Variants in UNC80 observed in about 807,000 individuals in gnomAD.
The protein encoded by UNC80 is unc-80 subunit of NALCN channel complex.
In UNC80, 164 loss-of-function variants were observed where a neutral mutation model predicts 384.6. The ratio of observed to expected loss-of-function variants is 0.43; its 90% CI spans 0.38 to 0.49. The LOEUF is 0.49. Among genes scored for constraint, UNC80 ranks in the 20% least tolerant of loss-of-function variants. The pLI is 0.00. For synonymous variants in UNC80, 1,486 were observed against 1,527.8 expected, an observed-to-expected ratio of 0.97 and a Z score of 0.64; for missense variants, 3,330 against 4,143.0, an observed-to-expected ratio of 0.80 and a Z score of 5.39.
chr2:209,819,380 A>G, intron 12 of UNC80, 119 bp downstream of exon 12: 1 of 1,150,912 alleles, frequency 8.7e-7, no homozygotes, highest in Non-Finnish European at 1.2e-6. Context: ...TTGAAATGAA[A>G]AAGCCACCCA....
At chr2:209,856,703 C>T (rs2082944587) in intron 22 of UNC80, among the ~76,000 whole-genome samples, 1 of 151,980 alleles carries the variant, frequency 6.6e-6, no homozygotes, top group Non-Finnish European at 1.5e-5. Context: ...CCATCTTAAT[C>T]AAATGTCAGG....
At chr2:209,791,280 T>C (rs931355813) in intron 6 of UNC80, among the ~76,000 whole-genome samples, 1 of 152,220 alleles carries the variant, frequency 6.6e-6, no homozygotes, top group Non-Finnish European at 1.5e-5. Context: ...AGGCATTTTA[T>C]GCAAATGCCA....
rs531279671 is a variant in UNC80, at chr2:209,807,505, T to C, written c.939-6075T>C. On this transcript the variant is annotated intron_variant, in intron 7 of 64. Coordinates refer to ENST00000673920, the MANE Select transcript of UNC80 (RefSeq NM_001371986.1). ...TCAGCCTCCCAAGTAGCTGGGACTA[T>C]AGGCGCCCACCACCACGCCCAGCTA... Among the ~76,000 whole-genome samples the C allele has an allele frequency of 8.6e-5, 13 of 151,876 alleles. No individual in the cohort carries two copies. The East Asian group carries it at 2.3e-3, about 27-fold the overall frequency.
rs1189245580 is a variant in UNC80, at chr2:209,839,156, A to C, written c.3042-66A>C. 1 of 1,417,922 alleles carries C rather than the reference A, an allele frequency of 7.1e-7. No individual in the cohort carries two copies. Among genetic ancestry groups the C allele is most frequent in the Non-Finnish European group, 9.6e-7 (1 of 1,037,774 alleles). 87.8% of individuals were successfully genotyped at this position (1,417,922 alleles called of 1,614,324 possible). A position where few individuals can be genotyped will look rare whatever the true frequency, so the allele number is the denominator to read the frequency against. On this transcript the variant is annotated intron_variant, in intron 18 of 64. Coordinates refer to ENST00000673920, the MANE Select transcript of UNC80 (RefSeq NM_001371986.1). The surrounding 1 kb of genome is among the most constrained non-coding windows in gnomAD (Gnocchi z 4.1). ...CCTAAATATCATTGACAGGAAGATG[A>C]AAGAAATTTAGGAGAATTTCTCAAG...
chr2:209,828,366 T>G (rs1173478644), intron 14 of UNC80, among the ~76,000 whole-genome samples: 1 of 152,174 alleles, frequency 6.6e-6, no homozygotes, highest in African/African-American at 2.4e-5. Flanking sequence ...TAAAAATACC[T>G]AATTTCAAAT....
intron 39 of UNC80, 26 bp downstream of exon 39, chr2:209,934,031 C>A: frequency 1.3e-6 from 2 of 1,496,844 alleles, no homozygotes; most frequent in Admixed American, 2.5e-5. Context: ...TTTTTAGTAA[C>A]ATAACTTTAA....
At chr2:209,925,701 G>A (rs182093862) in intron 35 of UNC80, among the ~76,000 whole-genome samples, 54 of 152,126 alleles carry the variant, frequency 3.5e-4, no homozygotes, top group Admixed American at 3.1e-3. Flanking sequence ...AGTGCTGGTT[G>A]GTGCATTTAC....
At chr2:209,930,800 T>G (rs932483539) in intron 37 of UNC80, among the ~76,000 whole-genome samples, 168 bp from the exon 38 acceptor site, 1 of 152,190 alleles carries the variant, frequency 6.6e-6, no homozygotes, top group Admixed American at 6.5e-5. Flanking sequence ...TAAATACTAC[T>G]TAACAAGTAT....
chr2:209,935,664 C>T (rs894431592), intron 39 of UNC80, 50 bp from the exon 40 acceptor site: 15 of 1,017,464 alleles, frequency 1.5e-5, no homozygotes, highest in Non-Finnish European at 1.9e-5. Flanking sequence ...CTTTAAAATA[C>T]AAATTTTCTA....
Position 209,954,262 on chromosome 2 carries a change from C to A in UNC80, c.7449C>A (p.Val2483=). 1 of 1,499,814 alleles carries A rather than the reference C, an allele frequency of 6.7e-7. No individual in the cohort carries two copies. The highest frequency in any genetic ancestry group is 1.4e-5 in the South Asian group (1 of 73,572). The allele number at this position is 1,499,814 out of a possible 1,614,324, so 92.9% of individuals were successfully genotyped here. The change falls in exon 48 of 65, where the codon GTC becomes GTA. Residue 2483 remains valine (V), a synonymous_variant. Coordinates refer to ENST00000673920, the MANE Select transcript of UNC80 (RefSeq NM_001371986.1). ...SLQALLYSVE[V]LTRPMTAPQM... is the part of the protein sequence containing the mutation. Reference sequence around the variant, plus strand: ...AGGCCCTTTTGTACAGTGTAGAGGTCCTCACCAGGTAATCCCATTGGCAGA... The same window carrying A: ...AGGCCCTTTTGTACAGTGTAGAGGTACTCACCAGGTAATCCCATTGGCAGA...
chr2:209,835,917 A>T (rs908556216), intron 18 of UNC80, among the ~76,000 whole-genome samples: 1 of 152,200 alleles, frequency 6.6e-6, no homozygotes, highest in African/African-American at 2.4e-5. Flanking sequence ...GCACTTCAAA[A>T]TCTTAGAAAT....
chr2:209,957,553 A>G (rs910331465), intron 48 of UNC80, 91 bp from the exon 49 acceptor site: 60 of 1,168,004 alleles, frequency 5.1e-5, no homozygotes, highest in Non-Finnish European at 7.3e-5. Flanking sequence ...CTTAAAACTT[A>G]TGTGTGCTTC....
At chr2:209,826,200 C>G (rs1369317100) in intron 14 of UNC80, 147 bp downstream of exon 14, 3 of 1,024,208 alleles carry the variant, frequency 2.9e-6, no homozygotes, top group African/African-American at 1.7e-5. Flanking sequence ...TGAGGAGATT[C>G]TCATGAGATA....
chr2:209,984,837 C>T lies in UNC80; in HGVS notation c.9258-19C>T. ...CATTTTCTTTCCCTAAATGCTTCATCTCCCTACCCCTCCTGCAGTGAACCT... is the reference window on the plus strand; with the variant it reads ...CATTTTCTTTCCCTAAATGCTTCATTTCCCTACCCCTCCTGCAGTGAACCT... On this transcript the variant is annotated intron_variant, in intron 60 of 64. Transcript: ENST00000673920. 1 of 1,518,662 alleles carries T rather than the reference C, an allele frequency of 6.6e-7. No homozygotes were observed. Among genetic ancestry groups the T allele is most frequent in the South Asian group, 1.3e-5 (1 of 78,252 alleles). 94.1% of individuals were successfully genotyped at this position (1,518,662 alleles called of 1,614,324 possible). A position where few individuals can be genotyped will look rare whatever the true frequency, so the allele number is the denominator to read the frequency against.
At chr2:209,930,302 G>C in intron 37 of UNC80, among the ~76,000 whole-genome samples, 1 of 151,992 alleles carries the variant, frequency 6.6e-6, no homozygotes, top group East Asian at 1.9e-4. Flanking sequence ...ATGATTATTA[G>C]AATATGTTAA....
chr2:209,960,252 A>C (rs1369333562), intron 51 of UNC80, among the ~76,000 whole-genome samples: 1 of 152,228 alleles, frequency 6.6e-6, no homozygotes, highest in Non-Finnish European at 1.5e-5. Context: ...CCTGGTAAAA[A>C]TTCTGAACTA....
At chr2:209,858,380 A>G (rs1196105088) in intron 22 of UNC80, among the ~76,000 whole-genome samples, 2 of 152,040 alleles carry the variant, frequency 1.3e-5, no homozygotes, top group African/African-American at 4.8e-5. Flanking sequence ...CAACTTTTCT[A>G]TCTGTTTGTT....
intron 42 of UNC80, among the ~76,000 whole-genome samples, chr2:209,938,922 C>T (rs570461828): frequency 5.9e-5 from 9 of 152,244 alleles, no homozygotes; most frequent in African/African-American, 2.2e-4. Context: ...ACTTCCTAAT[C>T]ATCAAGAGAA....
chr2:209,912,859 C>T (rs1222909711), intron 30 of UNC80, among the ~76,000 whole-genome samples, 192 bp downstream of exon 30: 1 of 152,316 alleles, frequency 6.6e-6, no homozygotes, highest in Non-Finnish European at 1.5e-5. Flanking sequence ...ATATAGCCAG[C>T]TTCCACAGAC....
Sources: gnomAD v4.1 joint callset for allele counts (sites outside exome capture counted in the v4.1 genomes callset) on GRCh38, gnomAD v4.1.1 for gene constraint, Gnocchi (gnomAD v3.1) non-coding constraint, MANE v1.5 for transcripts, NCBI Gene and HGNC (gene_info 2026-07-23, HGNC 2026-07-21) for gene names.